ACYP2: variants seen among roughly 807,000 people sequenced by gnomAD.
The protein encoded by ACYP2 is acylphosphatase 2.
Under a neutral mutation model 11.2 loss-of-function variants are expected in ACYP2, and 12 were observed. The observed-to-expected ratio is 1.08, with a 90% CI of 0.69 to 1.74. The LOEUF (loss-of-function observed/expected upper bound fraction) is 1.74. Ranked by LOEUF, ACYP2 falls within the 40% of genes most tolerant of loss-of-function variation. ACYP2 has a pLI of 0.00. For missense variants in ACYP2, 134 were observed against 101.9 expected (o/e 1.31, Z -1.35); for synonymous variants, 43 against 32.2 (o/e 1.33, Z -1.13).
rs546590524 is a variant in ACYP2 at position 54,261,210 on chromosome 2, CTTTGT to C, written c.405-43474_405-43470del. On this transcript the variant is annotated intron_variant, in intron 6 of 6. Coordinates refer to ENST00000607452, the MANE Select transcript of ACYP2 (RefSeq NM_001320586.2). ...TATTTTCTTTTGGGGTTCCATTCTGCTTTGTTTTAAGGCATGGACTAGAAACAGTT... is the reference window on the plus strand; with the variant it reads ...TATTTTCTTTTGGGGTTCCATTCTGCTTTAAGGCATGGACTAGAAACAGTT... Among the ~76,000 whole-genome samples the C allele has an allele frequency of 3.9e-3, 588 of 152,150 alleles. 5 individuals carry two copies. The highest frequency in any genetic ancestry group is 0.013 in the African/African-American group (558 of 41,506).
chr2:54,290,474 C>T (rs921117029), intron 6 of ACYP2, among the ~76,000 whole-genome samples: 1 of 151,964 alleles, frequency 6.6e-6, no homozygotes, highest in African/African-American at 2.4e-5. Context: ...TCACTTTGTT[C>T]CCAGCAGGAT....
intron 6 of ACYP2, among the ~76,000 whole-genome samples, chr2:54,266,064 G>A (rs1235454390): frequency 1.3e-5 from 2 of 152,146 alleles, no homozygotes; most frequent in African/African-American, 4.8e-5. Context: ...GAACAGTTCT[G>A]TAATTGCTGA....
intron 6 of ACYP2, among the ~76,000 whole-genome samples, chr2:54,177,713 G>C (rs1038711750): frequency 6.6e-6 from 1 of 151,660 alleles, no homozygotes; most frequent in Non-Finnish European, 1.5e-5. Context: ...AAGTAGCTGG[G>C]ACTACAGGCA....
chr2:54,133,134 C>T (rs72800759), intron 4 of ACYP2, among the ~76,000 whole-genome samples: 3 of 152,154 alleles, frequency 2.0e-5, no homozygotes, highest in African/African-American at 4.8e-5. Flanking sequence ...TCTTCACCCC[C>T]CATTGTAGCA....
intron 4 of ACYP2, among the ~76,000 whole-genome samples, chr2:54,078,070 C>T (rs1473804119): frequency 6.6e-6 from 1 of 151,592 alleles, no homozygotes; most frequent in East Asian, 1.9e-4. Flanking sequence ...CCCAGGCCTC[C>T]TGAATAGCTG....
At chr2:54,068,767 C>T (rs562858349) in intron 4 of ACYP2, among the ~76,000 whole-genome samples, 2 of 152,190 alleles carry the variant, frequency 1.3e-5, no homozygotes, top group South Asian at 2.1e-4. Flanking sequence ...TATAATCTTA[C>T]ACAGGCTGTT....
intron 6 of ACYP2, among the ~76,000 whole-genome samples, chr2:54,193,872 A>G (rs1304348544): frequency 6.6e-6 from 1 of 152,314 alleles, no homozygotes; most frequent in Non-Finnish European, 1.5e-5. Flanking sequence ...GAAAAAATAG[A>G]AACACTCTCA....
At chr2:54,091,218 A>C (rs565941354) in intron 4 of ACYP2, among the ~76,000 whole-genome samples, 30 of 152,300 alleles carry the variant, frequency 2.0e-4, no homozygotes, top group Admixed American at 2.0e-3. Flanking sequence ...AGTACATCTA[A>C]ACTATAACTA....
At chr2:54,124,258 G>A (rs1034699977) in intron 4 of ACYP2, among the ~76,000 whole-genome samples, 18 of 151,416 alleles carry the variant, frequency 1.2e-4, no homozygotes, top group African/African-American at 3.9e-4. Flanking sequence ...GCAATGGCGC[G>A]ATGTGGGCTC....
intron 4 of ACYP2, among the ~76,000 whole-genome samples, chr2:54,081,453 A>G (rs909270025): frequency 2.0e-5 from 3 of 152,226 alleles, no homozygotes; most frequent in African/African-American, 7.2e-5. Context: ...ATTTAGATAC[A>G]GAAATACTAC....
chr2:54,281,760 G>A (rs186278760), intron 6 of ACYP2, among the ~76,000 whole-genome samples: 4 of 152,268 alleles, frequency 2.6e-5, no homozygotes, highest in African/African-American at 9.6e-5. Context: ...TTTCTAAGGA[G>A]TTAAATACAG....
At chr2:54,150,354 C>CA (rs1350014894) in intron 6 of ACYP2, among the ~76,000 whole-genome samples, 1 of 152,196 alleles carries the variant, frequency 6.6e-6, no homozygotes, top group African/African-American at 2.4e-5. Context: ...TCTAACTCAT[C>CA]AAATGGTATG....
intron 2 of ACYP2, among the ~76,000 whole-genome samples, chr2:54,022,463 C>T (rs1432854146): frequency 1.3e-5 from 2 of 152,130 alleles, no homozygotes; most frequent in Non-Finnish European, 2.9e-5. Context: ...CTCACTGCAG[C>T]CTTGAACTTC....
chr2:54,087,259 G>A (rs1677992448), intron 4 of ACYP2, among the ~76,000 whole-genome samples: 2 of 152,194 alleles, frequency 1.3e-5, no homozygotes, highest in African/African-American at 2.4e-5. Flanking sequence ...ACAAATATCT[G>A]TTTTAGAAAT....
At chr2:54,271,783 C>G (rs959551588) in intron 6 of ACYP2, among the ~76,000 whole-genome samples, 1 of 152,036 alleles carries the variant, frequency 6.6e-6, no homozygotes, top group Non-Finnish European at 1.5e-5. Flanking sequence ...TTTTGTTAAA[C>G]TAGTGGTTAC....
At chr2:54,261,241 G>C (rs1266988352) in intron 6 of ACYP2, among the ~76,000 whole-genome samples, 2 of 152,114 alleles carry the variant, frequency 1.3e-5, no homozygotes, top group Non-Finnish European at 2.9e-5. Flanking sequence ...AGAAACAGTT[G>C]AAAAGAATAA....
chr2:54,246,720 C>G (rs531386073), intron 6 of ACYP2, among the ~76,000 whole-genome samples: 3 of 152,126 alleles, frequency 2.0e-5, no homozygotes, highest in East Asian at 3.9e-4. Context: ...TGTCTAATAT[C>G]TAATATCTAG....
At chr2:54,085,234 C>G (rs1172569326) in intron 4 of ACYP2, among the ~76,000 whole-genome samples, 1 of 152,154 alleles carries the variant, frequency 6.6e-6, no homozygotes, top group Non-Finnish European at 1.5e-5. Context: ...TCCCACGTTC[C>G]AAGGCTGTGC....
chr2:54,220,820 A>T (rs527850485), intron 6 of ACYP2, among the ~76,000 whole-genome samples: 30 of 152,322 alleles, frequency 2.0e-4, no homozygotes, highest in African/African-American at 7.2e-4. Context: ...TTACCACAAG[A>T]TCTTTTCTTT....
Sources: gnomAD v4.1 joint callset for allele counts (sites outside exome capture counted in the v4.1 genomes callset) on GRCh38, gnomAD v4.1.1 for gene constraint, MANE v1.5 for transcripts, NCBI Gene and HGNC (gene_info 2026-07-23, HGNC 2026-07-21) for gene names.